DIAPH3: variants seen among roughly 807,000 people sequenced by gnomAD.
DIAPH3 encodes the protein diaphanous related formin 3.
Under a neutral mutation model 144.3 loss-of-function variants are expected in DIAPH3, and 117 were observed. That is an observed-to-expected ratio of 0.81 (90% CI 0.70 to 0.95). The LOEUF is 0.95. DIAPH3 is among the 40% of genes least tolerant of loss of function. The probability of loss-of-function intolerance (pLI) is 0.00; values close to 1 mark genes in which losing one functional copy is unlikely to be tolerated. For synonymous variants in DIAPH3, 519 were observed against 488.9 expected, an observed-to-expected ratio of 1.06 and a Z score of -0.81; for missense variants, 1,421 against 1,412.7, an observed-to-expected ratio of 1.01 and a Z score of -0.09.
intron 4 of DIAPH3, chr13:60,044,213 A>G (rs2055900963): frequency 6.6e-6 from 1 of 152,214 alleles, no homozygotes; most frequent in Non-Finnish European, 1.5e-5. Context: ...ATCCAACGGC[A>G]GGAAATGAAT....
intron 25 of DIAPH3, among the ~76,000 whole-genome samples, chr13:59,807,086 A>G (rs1340821000): frequency 6.6e-6 from 1 of 151,944 alleles, no homozygotes; most frequent in Non-Finnish European, 1.5e-5. Flanking sequence ...AAAGTTATCA[A>G]TAAATAAGCA....
intron 22 of DIAPH3, among the ~76,000 whole-genome samples, chr13:59,852,163 C>T (rs983193834): frequency 6.6e-6 from 1 of 152,156 alleles, no homozygotes; most frequent in Admixed American, 6.5e-5. Context: ...CAGTGGTAGA[C>T]ACTTATATGA....
intron 9 of DIAPH3, among the ~76,000 whole-genome samples, chr13:59,999,173 T>C (rs879303444): frequency 3.3e-5 from 5 of 152,142 alleles, no homozygotes; most frequent in African/African-American, 1.2e-4. Flanking sequence ...TTTGTTTTAA[T>C]GTGAGTATTC....
rs368310391 is a variant in DIAPH3, at chr13:59,992,155, T to A, written c.1157A>T (p.Asp386Val). The change falls in exon 11 of 28, where the codon GAT (aspartate) becomes GTT (valine). Residue 386 changes from aspartate (D) to valine (V), a missense_variant. Asp to Val is a radical substitution (Grantham distance 152). Transcript: ENST00000400324. ...CTCATCAAAGACTTTAAGTTGGATA[T>A]CCAGGCCATCATTCTTAATGCATTT... ...NLKCIKNDGL[D>V]IQLKVFDEHK... 5.6e-6 allele frequency: 9 copies of A among 1,611,720 alleles called. No individual in the cohort carries two copies. Among genetic ancestry groups the A allele is most frequent in the Non-Finnish European group, 7.6e-6 (9 of 1,178,606 alleles).
intron 25 of DIAPH3, among the ~76,000 whole-genome samples, chr13:59,801,170 T>C (rs918337866): frequency 2.0e-5 from 3 of 152,216 alleles, no homozygotes; most frequent in Admixed American, 6.5e-5. Flanking sequence ...ATATCTGAAA[T>C]GCAGCAAAAA....
intron 27 of DIAPH3, among the ~76,000 whole-genome samples, chr13:59,713,315 C>G (rs1291919857): frequency 6.6e-6 from 1 of 151,826 alleles, no homozygotes; most frequent in Non-Finnish European, 1.5e-5. Flanking sequence ...ACTTCAGCCT[C>G]TGGAGTAGCT....
At chr13:59,758,631 T>A (rs896075590) in intron 27 of DIAPH3, among the ~76,000 whole-genome samples, 12 of 152,200 alleles carry the variant, frequency 7.9e-5, no homozygotes, top group Non-Finnish European at 1.8e-4. Flanking sequence ...TTCTATCATA[T>A]AAAGTTTACA....
intron 27 of DIAPH3, among the ~76,000 whole-genome samples, chr13:59,723,398 A>G (rs1939132065): frequency 6.6e-6 from 1 of 152,090 alleles, no homozygotes; most frequent in South Asian, 2.1e-4. Context: ...GCATCCATCC[A>G]ACTTTCCATA....
intron 1 of DIAPH3, among the ~76,000 whole-genome samples, chr13:60,141,094 G>T (rs180892925): frequency 2.9e-4 from 44 of 152,144 alleles, no homozygotes; most frequent in African/African-American, 1.1e-3. Context: ...ATAATATATT[G>T]ACTTTGCTTT....
At chr13:60,076,086 C>T (rs1326065427) in intron 4 of DIAPH3, among the ~76,000 whole-genome samples, 1 of 152,212 alleles carries the variant, frequency 6.6e-6, no homozygotes, top group African/African-American at 2.4e-5. Flanking sequence ...TGGCACAAGT[C>T]CAGCTTGTTC....
chr13:60,142,819 G>A (rs2059455507), intron 1 of DIAPH3, among the ~76,000 whole-genome samples: 1 of 151,982 alleles, frequency 6.6e-6, no homozygotes, highest in Non-Finnish European at 1.5e-5. Flanking sequence ...ATGCAATGGA[G>A]GGATCATAGC....
chr13:60,060,262 G>GGCAAAAAACAATAAAT (rs2056713494), intron 4 of DIAPH3, among the ~76,000 whole-genome samples: 1 of 151,980 alleles, frequency 6.6e-6, no homozygotes, highest in Non-Finnish European at 1.5e-5. Context: ...ATAAATAGTA[G>GGCAAAAAACAATAAAT]AGAGGATAAA....
In DIAPH3 at chr13:59,879,242, C is replaced by T. The variant is rs373904340; in HGVS notation, c.2594G>A (p.Ser865Asn). 3.1e-6 allele frequency: 5 copies of T among 1,613,582 alleles called. No homozygotes were observed. The highest frequency in any genetic ancestry group is 1.3e-5 in the African/African-American group (1 of 74,878). The change falls in exon 21 of 28, where the codon AGC becomes AAC. Residue 865 changes from serine (S) to asparagine (N), a missense_variant. Ser to Asn is a conservative substitution (Grantham distance 46, BLOSUM62 1). Coordinates refer to ENST00000400324, the MANE Select transcript of DIAPH3 (RefSeq NM_001042517.2). ...AAACAAACTCACTTTACAGAGAGAG[C>T]TAAGGTTAAATCCGAAGGTTTGAGC... ...RNAQTFGFNL[S>N]SLCKLKDTKS...
At chr13:59,674,447 T>C (rs1323074594) in intron 27 of DIAPH3, among the ~76,000 whole-genome samples, 1 of 152,224 alleles carries the variant, frequency 6.6e-6, no homozygotes, top group African/African-American at 2.4e-5. Context: ...CTTACTCTTC[T>C]ACTTTTCGAT....
At chr13:59,815,882 T>A (rs2040744098) in intron 24 of DIAPH3, among the ~76,000 whole-genome samples, 1 of 152,184 alleles carries the variant, frequency 6.6e-6, no homozygotes, top group African/African-American at 2.4e-5. Context: ...CCCTTTTCAA[T>A]CTTTACATTT....
chr13:60,059,618 C>A (rs559500533), intron 4 of DIAPH3, among the ~76,000 whole-genome samples: 2 of 151,674 alleles, frequency 1.3e-5, no homozygotes, highest in South Asian at 4.2e-4. Flanking sequence ...CAGTATACCT[C>A]TAGTATTGGA....
At chr13:59,953,413 A>G (rs1007356468) in intron 17 of DIAPH3, among the ~76,000 whole-genome samples, 2 of 152,194 alleles carry the variant, frequency 1.3e-5, no homozygotes, top group African/African-American at 4.8e-5. Flanking sequence ...TTGAAGGTAG[A>G]AAGAGAACTA....
At chr13:59,873,011 C>T (rs1435518360) in intron 21 of DIAPH3, among the ~76,000 whole-genome samples, 9 of 152,114 alleles carry the variant, frequency 5.9e-5, no homozygotes, top group Non-Finnish European at 1.5e-5. Context: ...AATAATTTAC[C>T]AAAAACGCTA....
intron 27 of DIAPH3, among the ~76,000 whole-genome samples, chr13:59,750,807 T>G (rs1359529104): frequency 6.6e-6 from 1 of 152,208 alleles, no homozygotes; most frequent in Non-Finnish European, 1.5e-5. Flanking sequence ...CAGGCCTGGA[T>G]AAACAGTTGC....
Sources: allele counts gnomAD v4.1 joint callset (sites outside exome capture counted in the v4.1 genomes callset), GRCh38; gene constraint gnomAD v4.1.1; transcripts MANE v1.5; gene names NCBI Gene and HGNC (gene_info 2026-07-23, HGNC 2026-07-21).